Variants in MLXIP observed in about 807,000 individuals in gnomAD.
The protein encoded by MLXIP is MLX interacting protein.
MLXIP carries 30 observed loss-of-function variants against 87.2 expected under a neutral mutation model. That is an observed-to-expected ratio of 0.34 (90% CI 0.26 to 0.47). The LOEUF (loss-of-function observed/expected upper bound fraction) is 0.47. Among genes scored for constraint, MLXIP ranks in the 20% least tolerant of loss-of-function variants. The probability of loss-of-function intolerance (pLI) is 1.00; values close to 1 mark genes in which losing one functional copy is unlikely to be tolerated. For synonymous variants in MLXIP, 530 were observed against 514.0 expected (o/e 1.03, Z -0.42); for missense variants, 1,002 against 1,240.1 (o/e 0.81, Z 2.88).
At chr12:122,141,599 G>A (rs1273271651) in intron 16 of MLXIP, 92 bp from the exon 17 acceptor site, 5 of 1,549,470 alleles carry the variant, frequency 3.2e-6, no homozygotes, top group East Asian at 4.6e-5. Context: ...CCGTGCCTGA[G>A]CATTCCCACA....
intron 8 of MLXIP, 121 bp downstream of exon 8, chr12:122,132,504 C>T: frequency 1.3e-6 from 1 of 761,458 alleles, no homozygotes; most frequent in Admixed American, 2.2e-5. Flanking sequence ...AAGCGCCAAG[C>T]AGTGCTAGAC....
intron 1 of MLXIP, among the ~76,000 whole-genome samples, chr12:122,081,231 CT>C (rs1158749135): frequency 6.6e-6 from 1 of 152,168 alleles, no homozygotes; most frequent in Non-Finnish European, 1.5e-5. Flanking sequence ...TTCCCTGTGC[CT>C]AAGGTCTCCT....
chr12:122,121,101 C>T (rs1257873379), intron 1 of MLXIP, among the ~76,000 whole-genome samples: 1 of 149,164 alleles, frequency 6.7e-6, no homozygotes, highest in Non-Finnish European at 1.5e-5. Flanking sequence ...CCTCCGCCTC[C>T]CAGGTTCAAG....
chr12:122,127,689 G>T (rs1952902650), intron 2 of MLXIP, among the ~76,000 whole-genome samples, 194 bp from the exon 3 acceptor site: 1 of 152,202 alleles, frequency 6.6e-6, no homozygotes, highest in Non-Finnish European at 1.5e-5. Context: ...CTCTGACTGA[G>T]GCGTTCGTTA....
rs568639441 is a variant in MLXIP at position 122,097,064 on chromosome 12, C to T, written c.413+17798C>T. Among the ~76,000 whole-genome samples, 3 of 152,346 alleles carry T rather than the reference C, an allele frequency of 2.0e-5. No individual in the cohort carries two copies. In the East Asian group the frequency reaches 5.8e-4, roughly 29 times the overall value. ...GCTTGGCAGCCTTGCTTCTCAGCTG[C>T]TCGCTTGTGGTGCTTCCGTGGGCCT... On this transcript the variant is annotated intron_variant, in intron 1 of 16. Transcript: ENST00000319080.
intron 1 of MLXIP, among the ~76,000 whole-genome samples, chr12:122,121,300 G>A (rs892474375): frequency 3.7e-5 from 5 of 134,348 alleles, no homozygotes; most frequent in Non-Finnish European, 6.2e-5. Context: ...GAGCCACTGT[G>A]CCCAGCCTTT....
intron 1 of MLXIP, among the ~76,000 whole-genome samples, chr12:122,084,910 C>T (rs533729575): frequency 2.0e-5 from 3 of 152,178 alleles, no homozygotes; most frequent in African/African-American, 7.2e-5. Context: ...GTGGAATCCT[C>T]ATTTTAAAAA....
intron 1 of MLXIP, among the ~76,000 whole-genome samples, chr12:122,086,443 T>C (rs1021559327): frequency 6.6e-6 from 1 of 152,274 alleles, no homozygotes; most frequent in Non-Finnish European, 1.5e-5. Context: ...AGTGGATCCT[T>C]GTTCCCTGGT....
intron 1 of MLXIP, among the ~76,000 whole-genome samples, chr12:122,108,994 A>G (rs1952562799): frequency 1.3e-5 from 2 of 152,198 alleles, no homozygotes; most frequent in Non-Finnish European, 2.9e-5. Flanking sequence ...TTTAGGTGGC[A>G]CAATCTCAGC....
intron 1 of MLXIP, among the ~76,000 whole-genome samples, chr12:122,122,857 T>C (rs1467425243): frequency 8.1e-6 from 1 of 123,892 alleles, no homozygotes; most frequent in Non-Finnish European, 1.8e-5. Flanking sequence ...TTCTTTTCTT[T>C]TTCTTTTTTT....
At chr12:122,097,846 T>TTC (rs1555227861) in intron 1 of MLXIP, among the ~76,000 whole-genome samples, 3 of 150,176 alleles carry the variant, frequency 2.0e-5, no homozygotes, top group African/African-American at 7.4e-5. Flanking sequence ...ATCCATGGGT[T>TTC]CCCCCTCCCC....
chr12:122,104,111 A>G (rs1427023777), intron 1 of MLXIP, among the ~76,000 whole-genome samples: 3 of 152,200 alleles, frequency 2.0e-5, no homozygotes, highest in African/African-American at 4.8e-5. Context: ...CATTATCCCC[A>G]ACCCTTGGGT....
intron 1 of MLXIP, among the ~76,000 whole-genome samples, chr12:122,092,764 C>G (rs1413589423): frequency 5.3e-5 from 8 of 152,160 alleles, no homozygotes; most frequent in Non-Finnish European, 1.5e-5. Flanking sequence ...ACTCTATAAA[C>G]GGTTGATTTG....
rs1404162476 is a variant in MLXIP at position 122,143,557 on chromosome 12, G to T, written c.*1745G>T. ...TGAGCATGAAGGCATTGTCCCAAAG[G>T]CAGAGGCCACCGTGGTAGGAATTCC... is the stretch of plus-strand genomic sequence containing the variant. On this transcript the variant is annotated 3_prime_UTR_variant, in exon 17 of 17. Transcript: ENST00000319080. 6.6e-6 allele frequency: 1 copy of T among 152,308 alleles called. No homozygotes were observed. Among genetic ancestry groups the T allele is most frequent in the Non-Finnish European group, 1.5e-5 (1 of 68,106 alleles). The allele number at this position is 152,308 out of a possible 1,614,324, so 9.4% of individuals were successfully genotyped here. A position where few individuals can be genotyped will look rare whatever the true frequency, so the allele number is the denominator to read the frequency against.
In MLXIP at chr12:122,144,907, A is replaced by C. The variant is rs1442679406; in HGVS notation, c.*3095A>C. On this transcript the variant is annotated 3_prime_UTR_variant, in exon 17 of 17. Coordinates refer to ENST00000319080, the MANE Select transcript of MLXIP (RefSeq NM_014938.6). ...ATCTCAAAAAAAAAAAGAAGAAAAA[A>C]ATAGAAAATCCAAAAAGAAAAACCA... The C allele has an allele frequency of 6.6e-6, 1 of 152,254 alleles. No individual in the cohort carries two copies. Among genetic ancestry groups the C allele is most frequent in the African/African-American group, 2.4e-5 (1 of 41,448 alleles). 9.4% of individuals were successfully genotyped at this position (152,254 alleles called of 1,614,324 possible). A position where few individuals can be genotyped will look rare whatever the true frequency, so the allele number is the denominator to read the frequency against.
Position 122,137,199 on chromosome 12 carries a change from T to C in MLXIP, c.2033-270T>C. On this transcript the variant is annotated intron_variant, in intron 11 of 16. Transcript: ENST00000319080. The surrounding 1 kb of genome is among the most constrained non-coding windows in gnomAD (Gnocchi z 4.1). ...AAGAGCCCACCTGCGAAATATCTCG[T>C]AAAGCGACACCAGTGACTGGAACAC... 3.4e-6 allele frequency: 1 copy of C among 293,538 alleles called. No homozygotes were observed. The highest frequency in any genetic ancestry group is 5.6e-5 in the East Asian group (1 of 17,860). The allele number at this position is 293,538 out of a possible 1,614,324, so 18.2% of individuals were successfully genotyped here.
chr12:122,113,487 C>T (rs996692486), intron 1 of MLXIP, among the ~76,000 whole-genome samples: 6 of 152,010 alleles, frequency 3.9e-5, no homozygotes, highest in Admixed American at 6.6e-5. Context: ...AGGCTGGTCT[C>T]GCTCTTCTGG....
In MLXIP at chr12:122,135,589, C is replaced by T. The variant is rs765945432; in HGVS notation, c.1955C>T (p.Thr652Ile). The T allele has an allele frequency of 6.3e-6, 10 of 1,589,724 alleles. No homozygotes were observed. Among genetic ancestry groups the T allele is most frequent in the Non-Finnish European group, 8.6e-6 (10 of 1,169,282 alleles). The change falls in exon 11 of 17, where the codon ACA (threonine) becomes ATA (isoleucine). Residue 652 changes from threonine to isoleucine, a missense_variant. Transcript: ENST00000319080. The surrounding 1 kb of genome is among the most constrained non-coding windows in gnomAD (Gnocchi z 5.3). ...CCCGTCTCCCGGCTCTTCCCAAGCA[C>T]AGCGCAAGACCCCCTGGGGAAGGGC... ...PAPVSRLFPSTAQDPLGKGEQ... is the reference protein window; with the variant it reads ...PAPVSRLFPSIAQDPLGKGEQ...
At chr12:122,124,187 G>A (rs1200788129) in intron 1 of MLXIP, among the ~76,000 whole-genome samples, 3 of 13,264 alleles carry the variant, frequency 2.3e-4, no homozygotes, top group Non-Finnish European at 4.1e-4. Flanking sequence ...CGCCCCAGCC[G>A]TCCCCCGCCC....
Sources: allele counts gnomAD v4.1 joint callset (sites outside exome capture counted in the v4.1 genomes callset), GRCh38; gene constraint gnomAD v4.1.1; non-coding constraint Gnocchi (gnomAD v3.1); transcripts MANE v1.5; gene names NCBI Gene and HGNC (gene_info 2026-07-23, HGNC 2026-07-21).